Variants in CARD19 observed in about 807,000 individuals in gnomAD.
CARD19 encodes caspase recruitment domain-containing protein 19.
Under a neutral mutation model 24.1 loss-of-function variants are expected in CARD19, and 25 were observed. The observed-to-expected ratio is 1.04, with a 90% CI of 0.76 to 1.45. The LOEUF is 1.45. Among genes scored for constraint, CARD19 ranks in the 40% most tolerant of loss-of-function variants. The pLI is 0.00. For missense variants in CARD19, 241 were observed against 247.4 expected (o/e 0.97, Z 0.17); for synonymous variants, 103 against 104.9 (o/e 0.98, Z 0.11).
chr9:93,105,287 G>A (rs967981909), intron 1 of CARD19, among the ~76,000 whole-genome samples: 5 of 151,552 alleles, frequency 3.3e-5, no homozygotes, highest in Non-Finnish European at 7.4e-5. Context: ...TTGGTTTTTT[G>A]TTTGTTTGTT....
rs1826856145 is a variant in CARD19, at chr9:93,096,330, C to T, written c.-16C>T. The T allele has an allele frequency of 8.2e-7, 1 of 1,225,726 alleles. No individual in the cohort carries two copies. 75.9% of individuals were successfully genotyped at this position (1,225,726 alleles called of 1,614,324 possible). A position where few individuals can be genotyped will look rare whatever the true frequency, so the allele number is the denominator to read the frequency against. ...GCAGACCGCTGGGGACTGCGGGCGG[C>T]GCTGTGTCCGTCGCCATGACAGGTG... On this transcript the variant is annotated 5_prime_UTR_variant, in exon 1 of 6. Transcript: ENST00000375464. The surrounding 1 kb of genome is among the most constrained non-coding windows in gnomAD (Gnocchi z 5.4).
intron 1 of CARD19, among the ~76,000 whole-genome samples, chr9:93,098,848 C>T (rs897994692): frequency 4.0e-5 from 6 of 150,810 alleles, no homozygotes; most frequent in African/African-American, 9.8e-5. Flanking sequence ...ATGCTGGCCA[C>T]GGTCCACCTA....
At chr9:93,111,467 G>T in intron 3 of CARD19, 1 of 1,082,948 alleles carries the variant, frequency 9.2e-7, no homozygotes, top group Non-Finnish European at 1.1e-6. Context: ...CTACTGGGCT[G>T]TGGTCTCTGA....
Position 93,096,461 on chromosome 9 carries a change from G to A in CARD19, c.7+109G>A. On this transcript the variant is annotated intron_variant, in intron 1 of 5. Transcript: ENST00000375464. The surrounding 1 kb of genome is among the most constrained non-coding windows in gnomAD (Gnocchi z 5.4). ...CGCCTGCAGGCCGCGCCTGGGCAGCGGGGGCCGAGTGACCTTGGCCCGTCA... is the reference window on the plus strand; with the variant it reads ...CGCCTGCAGGCCGCGCCTGGGCAGCAGGGGCCGAGTGACCTTGGCCCGTCA... 1 of 1,048,174 alleles carries A rather than the reference G, an allele frequency of 9.5e-7. No individual in the cohort carries two copies. The highest frequency in any genetic ancestry group is 1.2e-6 in the Non-Finnish European group (1 of 823,634). The allele number at this position is 1,048,174 out of a possible 1,614,324, so 64.9% of individuals were successfully genotyped here.
At chr9:93,112,762 G>T (rs1827549614) in intron 5 of CARD19, among the ~76,000 whole-genome samples, 1 of 152,218 alleles carries the variant, frequency 6.6e-6, no homozygotes, top group African/African-American at 2.4e-5. Flanking sequence ...TGGGTGAGGG[G>T]ACACAGGCAC....
chr9:93,108,699 C>T (rs945428261), intron 2 of CARD19, among the ~76,000 whole-genome samples: 4 of 152,232 alleles, frequency 2.6e-5, no homozygotes, highest in African/African-American at 9.7e-5. Context: ...TGTCAGGCCA[C>T]ATCTTGAGTT....
At chr9:93,097,724 T>C (rs116003530) in intron 1 of CARD19, among the ~76,000 whole-genome samples, 1,918 of 152,284 alleles carry the variant, frequency 0.013, 26 homozygotes, top group African/African-American at 0.039. Flanking sequence ...CAAAGGGACT[T>C]TGTCCCTTTC....
At chr9:93,100,714 C>G (rs1827046217) in intron 1 of CARD19, among the ~76,000 whole-genome samples, 2 of 152,180 alleles carry the variant, frequency 1.3e-5, no homozygotes, top group South Asian at 4.1e-4. Flanking sequence ...TAAACAATAA[C>G]TCCCCTTTCT....
Position 93,096,552 on chromosome 9 carries a change from GGCCGTGCCAGCCGAGGCGGT to G in CARD19, c.7+205_7+224del, listed in dbSNP as rs1345858054. Among the ~76,000 whole-genome samples, 1 of 152,170 alleles carries G rather than the reference GGCCGTGCCAGCCGAGGCGGT, an allele frequency of 6.6e-6. No homozygotes were observed. Among genetic ancestry groups the G allele is most frequent in the Non-Finnish European group, 1.5e-5 (1 of 68,020 alleles). ...GTGTCCCGGGGCTTCTACCCGGCGG[GGCCGTGCCAGCCGAGGCGGT>G]GCCGGGCATGATGGGTGGTGGCCAG... On this transcript the variant is annotated intron_variant, in intron 1 of 5. Transcript: ENST00000375464. The surrounding 1 kb of genome is among the most constrained non-coding windows in gnomAD (Gnocchi z 5.4).
rs376622480 is a variant in CARD19 at position 93,113,020 on chromosome 9, C to A, written c.465C>A (p.Arg155=). The A allele has an allele frequency of 5.1e-5, 82 of 1,609,572 alleles. No individual in the cohort carries two copies. The highest frequency in any genetic ancestry group is 6.4e-5 in the Non-Finnish European group (75 of 1,177,876). Residue 155 remains arginine, a synonymous_variant, in exon 6 of 6, where the codon CGC becomes CGA. Transcript: ENST00000375464. ...PDPKGLPGTR[R]VLGFSPVIID... ...CCAAGGGCCTGCCAGGGACCCGGCG[C>A]GTCCTCGGTTTCTCGCCTGTCATCA...
chr9:93,111,613 A>C, intron 3 of CARD19: 1 of 1,323,038 alleles, frequency 7.6e-7, no homozygotes, highest in Non-Finnish European at 9.7e-7. Context: ...GGGCTTTCAA[A>C]ACCAGGCAGG....
intron 5 of CARD19, among the ~76,000 whole-genome samples, chr9:93,112,595 C>A (rs1827543824): frequency 6.6e-6 from 1 of 152,170 alleles, no homozygotes; most frequent in Admixed American, 6.5e-5. Context: ...CCATGTGGGG[C>A]CCTTGAGCAG....
intron 1 of CARD19, among the ~76,000 whole-genome samples, chr9:93,098,780 C>T (rs1402377825): frequency 6.6e-6 from 1 of 152,176 alleles, no homozygotes; most frequent in Non-Finnish European, 1.5e-5. Flanking sequence ...CATGGCTCTG[C>T]AGCAGCGGAG....
intron 1 of CARD19, among the ~76,000 whole-genome samples, chr9:93,100,847 A>C (rs1827051037): frequency 6.6e-6 from 1 of 152,172 alleles, no homozygotes; most frequent in African/African-American, 2.4e-5. Flanking sequence ...TGTTTATTGC[A>C]CTTAGCATAA....
At chr9:93,110,301 A>C (rs761037163) in intron 2 of CARD19, 16 of 486,646 alleles carry the variant, frequency 3.3e-5, no homozygotes, top group Non-Finnish European at 5.0e-5. Flanking sequence ...TGCCAGCCCC[A>C]TGCTTTCTTT....
At chr9:93,106,414 T>TAAA (rs56137204) in intron 1 of CARD19, among the ~76,000 whole-genome samples, 2 of 102,898 alleles carry the variant, frequency 1.9e-5, no homozygotes, top group African/African-American at 3.2e-5. Context: ...CTGTCTCTAC[T>TAAA]AAAAAAAAAA....
At chr9:93,111,170 TGG>T in intron 3 of CARD19, 1 of 1,199,812 alleles carries the variant, frequency 8.3e-7, no homozygotes, top group Non-Finnish European at 1.1e-6. Flanking sequence ...TGCACACGTG[TGG>T]GTGTTTCCAT....
chr9:93,110,403 T>C (rs1827421246), intron 2 of CARD19, 165 bp from the exon 3 acceptor site: 4 of 1,106,182 alleles, frequency 3.6e-6, no homozygotes, highest in Non-Finnish European at 5.0e-6. Flanking sequence ...TGCCAGGCAC[T>C]ATGTGGTGTG....
intron 1 of CARD19, among the ~76,000 whole-genome samples, chr9:93,101,808 T>G (rs1362426620): frequency 6.6e-6 from 1 of 151,920 alleles, no homozygotes; most frequent in Non-Finnish European, 1.5e-5. Context: ...GGCTGCACTA[T>G]TTTACATTTT....
Sources: allele counts gnomAD v4.1 joint callset (sites outside exome capture counted in the v4.1 genomes callset), GRCh38; gene constraint gnomAD v4.1.1; non-coding constraint Gnocchi (gnomAD v3.1); transcripts MANE v1.5; gene names NCBI Gene and HGNC (gene_info 2026-07-23, HGNC 2026-07-21).